TBC1D12: variants seen among roughly 807,000 people sequenced by gnomAD.
TBC1D12 encodes TBC1 domain family member 12.
TBC1D12 carries 56 observed loss-of-function variants against 86.7 expected under a neutral mutation model. That is an observed-to-expected ratio of 0.65 (90% CI 0.52 to 0.81). The LOEUF (loss-of-function observed/expected upper bound fraction) is 0.81. Among genes scored for constraint, TBC1D12 ranks in the 30% least tolerant of loss-of-function variants. The pLI is 0.00. For synonymous variants in TBC1D12, 421 were observed against 411.7 expected, an observed-to-expected ratio of 1.02 and a Z score of -0.27; for missense variants, 1,023 against 1,038.8, an observed-to-expected ratio of 0.98 and a Z score of 0.21.
intron 2 of TBC1D12, among the ~76,000 whole-genome samples, chr10:94,450,325 G>C (rs2055530131): frequency 6.6e-6 from 1 of 151,894 alleles, no homozygotes; most frequent in Admixed American, 6.6e-5. Context: ...TTGAAAGAGT[G>C]ATTTATTTTT....
In TBC1D12 at chr10:94,403,336, G is replaced by A; in HGVS notation, c.723G>A (p.Gly241=). ...EDSEQRGVGA[G]GPEEGAPPAT... is the part of the protein sequence containing the mutation. ...CAGAGCAGCGGGGAGTCGGCGCCGG[G>A]GGTCCCGAGGAGGGCGCGCCCCCTG... Residue 241 remains glycine, a synonymous_variant, in exon 1 of 13, where the codon GGG becomes GGA. Coordinates refer to ENST00000225235, the MANE Select transcript of TBC1D12 (RefSeq NM_015188.2). 1 of 1,521,082 alleles carries A rather than the reference G, an allele frequency of 6.6e-7. No homozygotes were observed. Among genetic ancestry groups the A allele is most frequent in the African/African-American group, 1.4e-5 (1 of 69,576 alleles). The allele number at this position is 1,521,082 out of a possible 1,614,324, so 94.2% of individuals were successfully genotyped here.
At chr10:94,486,906 G>A (rs1473863329) in intron 3 of TBC1D12, among the ~76,000 whole-genome samples, 1 of 152,188 alleles carries the variant, frequency 6.6e-6, no homozygotes, top group Non-Finnish European at 1.5e-5. Flanking sequence ...TGAGAGTGGT[G>A]TGTTGAAGTC....
At chr10:94,494,126 A>G (rs1446697389) in intron 4 of TBC1D12, among the ~76,000 whole-genome samples, 1 of 152,130 alleles carries the variant, frequency 6.6e-6, no homozygotes, top group African/African-American at 2.4e-5. Context: ...TAGGTGCATA[A>G]AAGTATACTC....
At chr10:94,441,667 GC>G (rs1409373674) in intron 1 of TBC1D12, among the ~76,000 whole-genome samples, 1 of 152,098 alleles carries the variant, frequency 6.6e-6, no homozygotes, top group African/African-American at 2.4e-5. Context: ...GTGGTTTGCT[GC>G]CCCTATCAAC....
chr10:94,420,108 A>G (rs1189067802), intron 1 of TBC1D12, among the ~76,000 whole-genome samples: 2 of 152,128 alleles, frequency 1.3e-5, no homozygotes, highest in Non-Finnish European at 2.9e-5. Context: ...GGTATCTTTG[A>G]GGTAATTAGG....
intron 12 of TBC1D12, among the ~76,000 whole-genome samples, chr10:94,531,759 T>TTTATTTTATTTTATGTTATTTTATG (rs1842429983): frequency 9.0e-5 from 6 of 66,560 alleles, no homozygotes; most frequent in Admixed American, 4.0e-4. Flanking sequence ...GTTATTTTAT[T>TTTATTTTATTTTATGTTATTTTATG]TTATTTTATT....
chr10:94,462,608 T>C (rs1265073000), intron 2 of TBC1D12, among the ~76,000 whole-genome samples: 1 of 152,222 alleles, frequency 6.6e-6, no homozygotes, highest in Non-Finnish European at 1.5e-5. Context: ...TCAAGTTTTC[T>C]GTTTCTTCTT....
intron 6 of TBC1D12, among the ~76,000 whole-genome samples, chr10:94,502,070 C>T (rs1210425964): frequency 3.3e-5 from 5 of 151,778 alleles, no homozygotes; most frequent in South Asian, 2.1e-4. Flanking sequence ...CGGTGGCTCA[C>T]GCCTGTAATC....
intron 9 of TBC1D12, among the ~76,000 whole-genome samples, chr10:94,512,055 A>G (rs2056535095): frequency 6.6e-6 from 1 of 152,092 alleles, no homozygotes; most frequent in East Asian, 1.9e-4. Context: ...CCTTATACAG[A>G]CTTTCACCCA....
intron 2 of TBC1D12, among the ~76,000 whole-genome samples, chr10:94,465,656 AT>A (rs1464731912): frequency 0.012 from 519 of 44,926 alleles, 3 homozygotes; most frequent in Non-Finnish European, 0.018. Flanking sequence ...AAAAAAAAAA[AT>A]ATATATATAT....
At chr10:94,420,632 G>C (rs769416599) in intron 1 of TBC1D12, among the ~76,000 whole-genome samples, 6 of 152,194 alleles carry the variant, frequency 3.9e-5, no homozygotes, top group Non-Finnish European at 7.3e-5. Flanking sequence ...CACCGTTTAT[G>C]TCTGGCTTCT....
chr10:94,474,486 C>T (rs1214651942), intron 2 of TBC1D12, among the ~76,000 whole-genome samples, 182 bp from the exon 3 acceptor site: 1 of 151,940 alleles, frequency 6.6e-6, no homozygotes, highest in African/African-American at 2.4e-5. Context: ...GCCACTGCTC[C>T]CAGCTCCCCT....
chr10:94,522,843 A>G (rs1020055605), intron 11 of TBC1D12, among the ~76,000 whole-genome samples: 2 of 152,000 alleles, frequency 1.3e-5, no homozygotes, highest in African/African-American at 4.8e-5. Context: ...CAGGAGTTCG[A>G]AACCAGCCTG....
intron 2 of TBC1D12, among the ~76,000 whole-genome samples, chr10:94,457,361 C>T (rs937321616): frequency 6.6e-6 from 1 of 152,064 alleles, no homozygotes; most frequent in Non-Finnish European, 1.5e-5. Flanking sequence ...CAACACATGG[C>T]TGGGTCTTCT....
At chr10:94,424,400 T>A (rs2055120279) in intron 1 of TBC1D12, among the ~76,000 whole-genome samples, 1 of 152,190 alleles carries the variant, frequency 6.6e-6, no homozygotes, top group African/African-American at 2.4e-5. Context: ...TGGTAGTGTT[T>A]TCTAGTTGTA....
intron 2 of TBC1D12, 42 bp downstream of exon 2, chr10:94,442,061 A>T: frequency 6.5e-7 from 1 of 1,534,194 alleles, no homozygotes; most frequent in East Asian, 2.4e-5. Flanking sequence ...TAGCTTTTCA[A>T]GCATTCTTCT....
intron 11 of TBC1D12, among the ~76,000 whole-genome samples, chr10:94,528,610 T>C (rs1342513887): frequency 6.6e-6 from 1 of 151,926 alleles, no homozygotes; most frequent in Non-Finnish European, 1.5e-5. Context: ...TCGTCTGAGG[T>C]CAGGAGTTCA....
At chr10:94,525,559 C>A (rs1408163095) in intron 11 of TBC1D12, among the ~76,000 whole-genome samples, 1 of 149,684 alleles carries the variant, frequency 6.7e-6, no homozygotes, top group Non-Finnish European at 1.5e-5. Flanking sequence ...AGTCAGGAGG[C>A]TGAGGCACGA....
chr10:94,487,112 A>G (rs2056174967), intron 3 of TBC1D12, among the ~76,000 whole-genome samples: 1 of 152,108 alleles, frequency 6.6e-6, no homozygotes, highest in Admixed American at 6.6e-5. Context: ...TATGTCTGAC[A>G]TAAATATAGC....
Sources: gnomAD v4.1 joint callset for allele counts (sites outside exome capture counted in the v4.1 genomes callset) on GRCh38, gnomAD v4.1.1 for gene constraint, MANE v1.5 for transcripts, NCBI Gene and HGNC (gene_info 2026-07-23, HGNC 2026-07-21) for gene names.